Variants in WDR70 observed in about 807,000 individuals in gnomAD.
WDR70 encodes WD repeat-containing protein 70.
In WDR70, 53 loss-of-function variants were observed where a neutral mutation model predicts 88.6. That is an observed-to-expected ratio of 0.60 (90% CI 0.48 to 0.75). The LOEUF (loss-of-function observed/expected upper bound fraction) is 0.75, where lower values mean the gene tolerates loss of function less well. WDR70 is among the 30% of genes least tolerant of loss of function. The pLI is 0.00. For missense variants in WDR70, 610 were observed against 823.2 expected (o/e 0.74, Z 3.17); for synonymous variants, 280 against 270.0 (o/e 1.04, Z -0.36).
intron 7 of WDR70, among the ~76,000 whole-genome samples, chr5:37,468,476 T>C (rs1390456385): frequency 3.3e-5 from 5 of 152,182 alleles, no homozygotes; most frequent in African/African-American, 9.7e-5. Context: ...ATATTGACAT[T>C]AAATTTTTAT....
intron 10 of WDR70, among the ~76,000 whole-genome samples, chr5:37,605,674 G>T (rs1267335771): frequency 6.6e-6 from 1 of 152,084 alleles, no homozygotes; most frequent in Non-Finnish European, 1.5e-5. Context: ...TATTTTTCTA[G>T]TAATTTAAGT....
intron 11 of WDR70, among the ~76,000 whole-genome samples, chr5:37,699,352 A>C (rs1747075745): frequency 6.9e-6 from 1 of 145,742 alleles, no homozygotes; most frequent in Non-Finnish European, 1.5e-5. Context: ...ACACACACAC[A>C]CACACACAGT....
At chr5:37,583,287 G>A (rs1288695635) in intron 9 of WDR70, among the ~76,000 whole-genome samples, 2 of 152,158 alleles carry the variant, frequency 1.3e-5, no homozygotes, top group African/African-American at 4.8e-5. Flanking sequence ...TTAGCCAGGC[G>A]TGGTGGCGGG....
chr5:37,515,013 TCTC>T (rs1740843838), intron 8 of WDR70, among the ~76,000 whole-genome samples: 1 of 138,706 alleles, frequency 7.2e-6, no homozygotes. Flanking sequence ...GAGACCCCTG[TCTC>T]AAGAAAAAAA....
At chr5:37,732,499 C>T (rs1748174884) in intron 17 of WDR70, among the ~76,000 whole-genome samples, 1 of 151,866 alleles carries the variant, frequency 6.6e-6, no homozygotes, top group Admixed American at 6.6e-5. Context: ...AGGTATTTGC[C>T]CACACATGCA....
At chr5:37,519,589 C>T (rs1413882653) in intron 9 of WDR70, among the ~76,000 whole-genome samples, 5 of 143,396 alleles carry the variant, frequency 3.5e-5, no homozygotes, top group East Asian at 2.1e-4. Flanking sequence ...GGGGCAGAGG[C>T]GCTCCTCACC....
intron 17 of WDR70, among the ~76,000 whole-genome samples, chr5:37,731,646 C>G (rs1161440928): frequency 6.6e-6 from 1 of 151,914 alleles, no homozygotes; most frequent in African/African-American, 2.4e-5. Flanking sequence ...AAAGATTTGT[C>G]AAGAAAACAG....
At chr5:37,524,564 C>T (rs1487346375) in intron 9 of WDR70, among the ~76,000 whole-genome samples, 2 of 152,188 alleles carry the variant, frequency 1.3e-5, no homozygotes, top group African/African-American at 4.8e-5. Flanking sequence ...TAGGAAGAAA[C>T]TGCATCAACT....
intron 8 of WDR70, among the ~76,000 whole-genome samples, chr5:37,515,620 G>A (rs536399571): frequency 1.3e-5 from 2 of 152,180 alleles, no homozygotes; most frequent in Non-Finnish European, 2.9e-5. Flanking sequence ...TGATCTCCAG[G>A]CCTATGTATC....
At chr5:37,482,074 A>C (rs1021079607) in intron 8 of WDR70, among the ~76,000 whole-genome samples, 2 of 152,118 alleles carry the variant, frequency 1.3e-5, no homozygotes, top group African/African-American at 4.8e-5. Context: ...CCTGGACCTT[A>C]TTGTCCATAT....
intron 8 of WDR70, among the ~76,000 whole-genome samples, chr5:37,516,185 T>C (rs1279791338): frequency 6.6e-6 from 1 of 152,220 alleles, no homozygotes; most frequent in Non-Finnish European, 1.5e-5. Context: ...GACCTGTCTT[T>C]CTTATTTTGG....
chr5:37,726,968 T>G lies in WDR70; in HGVS notation c.1800T>G (p.Ser600Arg). 1.2e-6 allele frequency: 2 copies of G among 1,612,036 alleles called. No homozygotes were observed. The highest frequency in any genetic ancestry group is 1.7e-4 in the Middle Eastern group (1 of 6,050). ...TTGCTTTGGACAAGACCGATGACAG[T>G]AATCCTCGGGAAGCCATTTTGCGTC... is the stretch of plus-strand genomic sequence containing the variant. ...KNIALDKTDD[S>R]NPREAILRHA... The change falls in exon 17 of 18, where the codon AGT (serine) becomes AGG (arginine). Residue 600 changes from serine (S) to arginine (R), a missense_variant. Around this residue, in one of 4 missense-constraint regions of WDR70, gnomAD observed 70 missense variants for 139.2 expected, o/e 0.50. Transcript: ENST00000265107.
At chr5:37,664,909 T>A (rs1380598133) in intron 10 of WDR70, among the ~76,000 whole-genome samples, 2 of 152,226 alleles carry the variant, frequency 1.3e-5, no homozygotes, top group Non-Finnish European at 2.9e-5. Context: ...ATCACTGAAC[T>A]TAGTGCTGGA....
intron 8 of WDR70, among the ~76,000 whole-genome samples, chr5:37,501,243 G>A (rs1016372884): frequency 7.2e-5 from 11 of 152,134 alleles, no homozygotes; most frequent in Middle Eastern, 3.4e-3. Context: ...CTTTTGTTGT[G>A]CAGAAGCTTT....
At position 37,487,622 on chromosome 5, in the gene WDR70, TA is replaced by T. The variant is rs1561871982; in HGVS notation, c.840+7636del. Among the ~76,000 whole-genome samples, 128 of 25,794 alleles carry T rather than the reference TA, an allele frequency of 5.0e-3. 3 individuals carry two copies. The highest frequency in any genetic ancestry group is 7.8e-3 in the African/African-American group (113 of 14,448). The allele number at this position is 25,794 out of a possible 152,430, so 16.9% of individuals were successfully genotyped here. A position where few individuals can be genotyped will look rare whatever the true frequency, so the allele number is the denominator to read the frequency against. On this transcript the variant is annotated intron_variant, in intron 8 of 17. Transcript: ENST00000265107. ...ATAAATATATATATATATATATATA[TA>T]TGTATTTTTTTTTTTTTTTTTGAGA...
chr5:37,439,803 T>TC (rs947910871), intron 6 of WDR70, among the ~76,000 whole-genome samples: 2 of 151,938 alleles, frequency 1.3e-5, no homozygotes, highest in African/African-American at 2.4e-5. Context: ...TACATTTTAG[T>TC]CCCCCCGTCC....
rs1176757597 is a variant in WDR70 at position 37,551,768 on chromosome 5, G to GTTT, written c.917+35198_917+35200dup. On this transcript the variant is annotated intron_variant, in intron 9 of 17. Transcript: ENST00000265107. ...TTATTTTTTATTGTTTCATTGTTTA[G>GTTT]TTTTTTTTTTTTTTTTTTTTTTGAG... Among the ~76,000 whole-genome samples the GTTT allele has an allele frequency of 3.9e-3, 365 of 92,726 alleles. 16 individuals are homozygous for GTTT. Among genetic ancestry groups the GTTT allele is most frequent in the African/African-American group, 0.014 (346 of 24,028 alleles). 60.8% of individuals were successfully genotyped at this position (92,726 alleles called of 152,430 possible). A position where few individuals can be genotyped will look rare whatever the true frequency, so the allele number is the denominator to read the frequency against.
chr5:37,428,107 T>A (rs1311677382), intron 5 of WDR70, among the ~76,000 whole-genome samples: 1 of 152,116 alleles, frequency 6.6e-6, no homozygotes, highest in African/African-American at 2.4e-5. Flanking sequence ...TGGTCCTGAT[T>A]GTCTTAGACA....
chr5:37,653,213 A>G (rs1235131000), intron 10 of WDR70, among the ~76,000 whole-genome samples: 1 of 152,036 alleles, frequency 6.6e-6, no homozygotes, highest in African/African-American at 2.4e-5. Flanking sequence ...GTTTTTTGTC[A>G]TTGATTCTGT....
Sources: gnomAD v4.1 joint callset for allele counts (sites outside exome capture counted in the v4.1 genomes callset) on GRCh38, gnomAD v4.1.1 for gene constraint, gnomAD v4.1.1 regional missense constraint, MANE v1.5 for transcripts, NCBI Gene and HGNC (gene_info 2026-07-23, HGNC 2026-07-21) for gene names.